Variants in ABI1 observed in about 807,000 individuals in gnomAD.
The protein encoded by ABI1 is Abelson interactor 1.
Under a neutral mutation model 54.6 loss-of-function variants are expected in ABI1, and 14 were observed. The observed-to-expected ratio is 0.26, with a 90% confidence interval of 0.17 to 0.40. The LOEUF (loss-of-function observed/expected upper bound fraction) is 0.40, where lower values mean the gene tolerates loss of function less well. ABI1 is among the 10% of genes least tolerant of loss of function. The pLI, the probability that ABI1 is intolerant of heterozygous loss-of-function variation, is 1.00. For missense variants in ABI1, 443 were observed against 598.3 expected (o/e 0.74, Z 2.71); for synonymous variants, 194 against 209.3 (o/e 0.93, Z 0.63).
intron 2 of ABI1, among the ~76,000 whole-genome samples, chr10:26,818,807 T>C (rs2047770254): frequency 6.6e-6 from 1 of 151,982 alleles, no homozygotes; most frequent in African/African-American, 2.4e-5. Context: ...CTGGCCAAGA[T>C]GGTGAAACCC....
intron 2 of ABI1, among the ~76,000 whole-genome samples, chr10:26,806,440 C>T (rs551624822): frequency 7.2e-5 from 11 of 152,210 alleles, no homozygotes; most frequent in Admixed American, 4.6e-4. Flanking sequence ...TACAGGCAAC[C>T]GCACTGGAAA....
chr10:26,852,856 C>T (rs532048278), intron 1 of ABI1, among the ~76,000 whole-genome samples: 1 of 152,286 alleles, frequency 6.6e-6, no homozygotes, highest in Admixed American at 6.5e-5. Flanking sequence ...CACTTGAGTC[C>T]AGGAGTTCAG....
Position 26,750,179 on chromosome 10 carries a change from T to C in ABI1, c.1270+1419A>G, listed in dbSNP as rs531847509. 4.6e-5 allele frequency among the ~76,000 whole-genome samples: 7 copies of C among 152,360 alleles called. 1 individual carries two copies. The South Asian group carries it at 1.5e-3, about 32-fold the overall frequency. On this transcript the variant is annotated intron_variant, in intron 10 of 10. Coordinates refer to ENST00000376140, the MANE Select transcript of ABI1 (RefSeq NM_001012750.3). ...CTCAAGTAGAATATTCAAGACTTTCTTAACAATATGTAAATTACTTACTGT... is the reference window on the plus strand; with the variant it reads ...CTCAAGTAGAATATTCAAGACTTTCCTAACAATATGTAAATTACTTACTGT...
chr10:26,807,446 C>T (rs888559534), intron 2 of ABI1, among the ~76,000 whole-genome samples: 5 of 152,068 alleles, frequency 3.3e-5, no homozygotes, highest in Admixed American at 2.0e-4. Context: ...CACACCACTG[C>T]ATTCCAGCTT....
In ABI1 at chr10:26,755,827, G is replaced by A. The variant is rs576028599; in HGVS notation, c.998-86C>T. ...ACAAAAAGCAGAAGTCAGTTACAAGGACCACAAACATAAGTATGCAAAGAA... is the reference window on the plus strand; with the variant it reads ...ACAAAAAGCAGAAGTCAGTTACAAGAACCACAAACATAAGTATGCAAAGAA... On this transcript the variant is annotated intron_variant, in intron 8 of 10. Coordinates refer to ENST00000376140, the MANE Select transcript of ABI1 (RefSeq NM_001012750.3). The A allele has an allele frequency of 2.2e-5, 20 of 904,944 alleles. No homozygotes were observed. The South Asian group carries it at 3.1e-4, about 14-fold the overall frequency. The allele number at this position is 904,944 out of a possible 1,614,324, so 56.1% of individuals were successfully genotyped here. A position where few individuals can be genotyped will look rare whatever the true frequency, so the allele number is the denominator to read the frequency against.
intron 1 of ABI1, among the ~76,000 whole-genome samples, chr10:26,837,049 A>G (rs1439839500): frequency 2.0e-5 from 3 of 152,216 alleles, no homozygotes; most frequent in Non-Finnish European, 4.4e-5. Context: ...TATGTTACTC[A>G]TTAAAATGTT....
At chr10:26,816,603 T>C (rs931955302) in intron 2 of ABI1, among the ~76,000 whole-genome samples, 1 of 152,204 alleles carries the variant, frequency 6.6e-6, no homozygotes, top group Non-Finnish European at 1.5e-5. Context: ...AGTGAGAAGG[T>C]AGCAAGCACT....
Position 26,856,342 on chromosome 10 carries a change from G to C in ABI1, c.117+4405C>G, listed in dbSNP as rs2134324860. ...TTGGGATTTGGAATCGAGAAAATCTGGGTTTGATTCCAGGCCCCACCTCAT... is the reference window on the plus strand; with the variant it reads ...TTGGGATTTGGAATCGAGAAAATCTCGGTTTGATTCCAGGCCCCACCTCAT... On this transcript the variant is annotated intron_variant, in intron 1 of 10. Coordinates refer to ENST00000376140, the MANE Select transcript of ABI1 (RefSeq NM_001012750.3). Among the ~76,000 whole-genome samples, 3 of 147,618 alleles carry C rather than the reference G, an allele frequency of 2.0e-5. No individual in the cohort carries two copies. In the South Asian group the frequency reaches 6.4e-4, roughly 32 times the overall value.
At chr10:26,780,205 A>C (rs1433340305) in intron 2 of ABI1, among the ~76,000 whole-genome samples, 3 of 152,134 alleles carry the variant, frequency 2.0e-5, no homozygotes, top group African/African-American at 4.8e-5. Flanking sequence ...CCCAAACAGA[A>C]ATGGATACCA....
chr10:26,779,430 C>T (rs1286969925), intron 2 of ABI1, among the ~76,000 whole-genome samples: 1 of 152,166 alleles, frequency 6.6e-6, no homozygotes, highest in Non-Finnish European at 1.5e-5. Context: ...GACAGTCAGC[C>T]TCAGCAGGTC....
At chr10:26,793,525 G>GA (rs1843730966) in intron 2 of ABI1, among the ~76,000 whole-genome samples, 1 of 152,168 alleles carries the variant, frequency 6.6e-6, no homozygotes, top group Admixed American at 6.5e-5. Context: ...GGGAAAAACT[G>GA]AATCTGTCAC....
intron 2 of ABI1, among the ~76,000 whole-genome samples, chr10:26,798,694 T>C (rs891125086): frequency 1.3e-5 from 2 of 151,964 alleles, no homozygotes; most frequent in Admixed American, 1.3e-4. Flanking sequence ...TTGGGGAATG[T>C]TCTAGAAAGT....
chr10:26,807,245 T>C (rs1424579352), intron 2 of ABI1, among the ~76,000 whole-genome samples: 1 of 151,474 alleles, frequency 6.6e-6, no homozygotes, highest in Non-Finnish European at 1.5e-5. Flanking sequence ...AGGCAGAAGG[T>C]GGTGGATCGC....
intron 1 of ABI1, among the ~76,000 whole-genome samples, chr10:26,837,454 C>T (rs534149250): frequency 2.0e-5 from 3 of 152,184 alleles, no homozygotes; most frequent in South Asian, 2.1e-4. Context: ...GTGGGGGAGA[C>T]GGGTTTGAGG....
chr10:26,832,779 GA>G (rs1426554018), intron 1 of ABI1, among the ~76,000 whole-genome samples: 1 of 152,148 alleles, frequency 6.6e-6, no homozygotes, highest in East Asian at 1.9e-4. Flanking sequence ...CTTCCAGGAA[GA>G]ATCCATAATC....
intron 1 of ABI1, among the ~76,000 whole-genome samples, chr10:26,859,196 G>C (rs1433395430): frequency 2.0e-5 from 3 of 152,048 alleles, no homozygotes; most frequent in African/African-American, 7.2e-5. Context: ...AGATGTGGCA[G>C]GCATTCAACA....
At chr10:26,760,991 G>A (rs1446696997) in intron 7 of ABI1, among the ~76,000 whole-genome samples, 3 of 150,930 alleles carry the variant, frequency 2.0e-5, no homozygotes, top group Non-Finnish European at 2.9e-5. Context: ...CGCCCAGGCT[G>A]GAGTGCAGTG....
rs1416842018 is a variant in ABI1, at chr10:26,819,636, C to T, written c.285+3502G>A. ...GAAAAATACACATTCTTCTCAAATG[C>T]ACACAAAACATTTACCAAGACAGAG... is the stretch of plus-strand genomic sequence containing the variant. On this transcript the variant is annotated intron_variant, in intron 2 of 10. Coordinates refer to ENST00000376140, the MANE Select transcript of ABI1 (RefSeq NM_001012750.3). Among the ~76,000 whole-genome samples, 3 of 152,092 alleles carry T rather than the reference C, an allele frequency of 2.0e-5. 1 individual carries two copies. Among genetic ancestry groups the T allele is most frequent in the Non-Finnish European group, 4.4e-5 (3 of 68,004 alleles).
At chr10:26,837,277 G>A (rs993363642) in intron 1 of ABI1, among the ~76,000 whole-genome samples, 5 of 152,200 alleles carry the variant, frequency 3.3e-5, no homozygotes, top group African/African-American at 1.2e-4. Context: ...TTGGCTTGCA[G>A]ACAGCCACCT....
Sources: gnomAD v4.1 joint callset for allele counts (sites outside exome capture counted in the v4.1 genomes callset) on GRCh38, gnomAD v4.1.1 for gene constraint, MANE v1.5 for transcripts, NCBI Gene and HGNC (gene_info 2026-07-23, HGNC 2026-07-21) for gene names.